TMIGD2: variants seen among roughly 807,000 people sequenced by gnomAD.
The protein encoded by TMIGD2 is transmembrane and immunoglobulin domain-containing protein 2.
TMIGD2 carries 18 observed loss-of-function variants against 22.6 expected under a neutral mutation model. The observed-to-expected ratio is 0.80, with a 90% CI of 0.55 to 1.18. The LOEUF (loss-of-function observed/expected upper bound fraction) is 1.18. Among genes scored for constraint, TMIGD2 ranks in the 50% most tolerant of loss-of-function variants. The probability of loss-of-function intolerance (pLI) is 0.00; values close to 1 mark genes in which losing one functional copy is unlikely to be tolerated. For synonymous variants in TMIGD2, 184 were observed against 154.1 expected (o/e 1.19, Z -1.44); for missense variants, 361 against 378.2 (o/e 0.95, Z 0.38).
intron 2 of TMIGD2, 46 bp from the exon 3 acceptor site, chr19:4,294,862 C>G: frequency 1.3e-6 from 2 of 1,511,806 alleles, no homozygotes; most frequent in Non-Finnish European, 1.8e-6. Context: ...GCTTCTCCAC[C>G]CTCCAAGGAC....
exon 2 of TMIGD2, chr19:4,298,007 T>G: frequency 6.2e-7 from 1 of 1,604,222 alleles, no homozygotes; most frequent in Non-Finnish European, 8.5e-7. Flanking sequence ...AAGAGCCTTG[T>G]TATGTTGCCC....
intron 1 of TMIGD2, 63 bp from the exon 2 acceptor site, chr19:4,298,408 A>G: frequency 1.3e-6 from 2 of 1,490,606 alleles, no homozygotes; most frequent in Non-Finnish European, 1.8e-6. Flanking sequence ...TGTGTGACTC[A>G]CTCCCCTAGT....
chr19:4,298,922 A>G (rs1415544177), intron 1 of TMIGD2, among the ~76,000 whole-genome samples: 13 of 152,114 alleles, frequency 8.5e-5, no homozygotes, highest in Admixed American at 8.5e-4. Context: ...GCCAGGCCCT[A>G]TGCTGGGTGT....
intron 1 of TMIGD2, 112 bp downstream of exon 1, chr19:4,302,228 C>G: frequency 8.5e-7 from 1 of 1,181,956 alleles, no homozygotes; most frequent in Non-Finnish European, 1.2e-6. Flanking sequence ...GGAGATGGGC[C>G]TTATCTGACA....
At position 4,297,929 on chromosome 19, in the gene TMIGD2, T is replaced by C. The variant is rs539357110; in HGVS notation, c.406+57A>G. The C allele has an allele frequency of 1.1e-5, 16 of 1,494,412 alleles. No individual in the cohort carries two copies. The African/African-American group carries it at 1.8e-4, about 17-fold the overall frequency. 92.6% of individuals were successfully genotyped at this position (1,494,412 alleles called of 1,614,324 possible). ...TTTCTAGGAGTTTAAGACTCAAAAG[T>C]CTTAAGATTCTAGGATCCTCCCCAC... On this transcript the variant is annotated intron_variant, in intron 2 of 4. Coordinates refer to ENST00000301272, the Ensembl canonical transcript of TMIGD2.
At position 4,298,355 on chromosome 19, in the gene TMIGD2, A is replaced by T. The variant is rs781006750; in HGVS notation, c.47-10T>A. ...GAGGCTTCTTGCAGGGCTGGAGGAC[A>T]GAAGAGGTAGAGGCGACCTTTCTGA... On this transcript the variant is annotated splice_polypyrimidine_tract_variant and intron_variant, in intron 1 of 4. Coordinates refer to ENST00000301272, the Ensembl canonical transcript of TMIGD2. 5.2e-6 allele frequency: 8 copies of T among 1,553,064 alleles called. No individual in the cohort carries two copies.
At chr19:4,297,104 T>C (rs1457767511) in intron 2 of TMIGD2, among the ~76,000 whole-genome samples, 1 of 123,614 alleles carries the variant, frequency 8.1e-6, no homozygotes, top group African/African-American at 3.1e-5. Flanking sequence ...TGAGACAGAG[T>C]CTTGCTCTGT....
chr19:4,301,578 G>A (rs527356330), intron 1 of TMIGD2, among the ~76,000 whole-genome samples: 62 of 152,342 alleles, frequency 4.1e-4, no homozygotes, highest in Non-Finnish European at 8.1e-4. Flanking sequence ...CCTGAGGCAG[G>A]AGAATCTCTT....
At chr19:4,297,177 C>G (rs1460392815) in intron 2 of TMIGD2, among the ~76,000 whole-genome samples, 2 of 146,060 alleles carry the variant, frequency 1.4e-5, no homozygotes, top group Non-Finnish European at 3.0e-5. Flanking sequence ...CCCGGATTCT[C>G]CTGCCTCAGC....
chr19:4,292,268 A>C, exon 5 of TMIGD2: 1 of 315,610 alleles, frequency 3.2e-6, no homozygotes, highest in Non-Finnish European at 5.9e-6. Flanking sequence ...TCTTGGGGGA[A>C]AGTGGGAGCG....
chr19:4,297,165 C>G (rs184168496), intron 2 of TMIGD2, among the ~76,000 whole-genome samples: 308 of 151,406 alleles, frequency 2.0e-3, no homozygotes, highest in South Asian at 6.5e-3. Flanking sequence ...CAACCTCCCC[C>G]TCCCGGATTC....
Position 4,294,596 on chromosome 19 carries a change from C to A in TMIGD2, c.533G>T (p.Cys178Phe). 2 of 1,611,480 alleles carry A rather than the reference C, an allele frequency of 1.2e-6. No homozygotes were observed. The highest frequency in any genetic ancestry group is 1.7e-6 in the Non-Finnish European group (2 of 1,178,776). The change falls in exon 4 of 5, where the codon TGC becomes TTC. Residue 178 changes from cysteine to phenylalanine, a missense_variant. By Grantham distance (205) the Cys-to-Phe change is radical (BLOSUM62 -2). Transcript: ENST00000301272. ...GCTGTTACCTGAGTCCCTTTGCTGGCAGCTGCGGCGGCCCCAGAACCAGGC... is the reference window on the plus strand; with the variant it reads ...GCTGTTACCTGAGTCCCTTTGCTGGAAGCTGCGGCGGCCCCAGAACCAGGC...
chr19:4,293,906 C>T (rs894250150), intron 4 of TMIGD2, among the ~76,000 whole-genome samples: 3 of 151,780 alleles, frequency 2.0e-5, no homozygotes, highest in Non-Finnish European at 1.5e-5. Flanking sequence ...GGACTACAGG[C>T]ACAGGCCACC....
intron 2 of TMIGD2, among the ~76,000 whole-genome samples, 170 bp downstream of exon 2, chr19:4,297,816 C>T (rs527975208): frequency 4.5e-4 from 68 of 151,738 alleles, no homozygotes; most frequent in African/African-American, 1.6e-3. Context: ...GATCGCGCCC[C>T]TGCACTCCAA....
intron 1 of TMIGD2, among the ~76,000 whole-genome samples, chr19:4,301,276 A>G (rs546584616): frequency 6.6e-6 from 1 of 152,282 alleles, no homozygotes; most frequent in Non-Finnish European, 1.5e-5. Context: ...GTGGTGGCTC[A>G]TGCCTGTTAT....
chr19:4,302,221 G>A (rs1179220715), intron 1 of TMIGD2, 119 bp downstream of exon 1: 8 of 1,076,734 alleles, frequency 7.4e-6, no homozygotes, highest in Non-Finnish European at 1.3e-6. Context: ...CTCGGAGGGA[G>A]ATGGGCCTTA....
intron 1 of TMIGD2, 115 bp from the exon 2 acceptor site, chr19:4,298,460 G>A (rs1971493691): frequency 3.6e-6 from 5 of 1,405,560 alleles, no homozygotes; most frequent in Middle Eastern, 2.6e-4. Flanking sequence ...GTCTAAGACG[G>A]GTGCAGTGGC....
exon 2 of TMIGD2, chr19:4,298,324 A>G: frequency 6.3e-7 from 1 of 1,582,644 alleles, no homozygotes; most frequent in East Asian, 2.2e-5. Flanking sequence ...CTGCACGCTC[A>G]GGCTTGAGGC....
rs1384527364 is a variant in TMIGD2, at chr19:4,301,329, C to T, written c.46+1011G>A. ...CCAAGACTGGGTGATTGCTTGAGGC[C>T]AGGAGTTCAAGACCAGCCTGGGCAA... On this transcript the variant is annotated intron_variant, in intron 1 of 4. Transcript: ENST00000301272. 2.0e-5 allele frequency among the ~76,000 whole-genome samples: 3 copies of T among 152,048 alleles called. No individual in the cohort carries two copies. In the East Asian group the frequency reaches 5.8e-4, roughly 29 times the overall value.
Sources: allele counts gnomAD v4.1 joint callset (sites outside exome capture counted in the v4.1 genomes callset), GRCh38; gene constraint gnomAD v4.1.1; transcripts MANE v1.5; gene names NCBI Gene and HGNC (gene_info 2026-07-23, HGNC 2026-07-21).